Variants in KIF21B observed in about 807,000 individuals in gnomAD.
KIF21B encodes kinesin family member 21B, also known as kinesin-like protein KIF21B.
In KIF21B, 85 loss-of-function variants were observed where a neutral mutation model predicts 192.9. The ratio of observed to expected loss-of-function variants is 0.44; its 90% CI spans 0.37 to 0.53. The LOEUF (loss-of-function observed/expected upper bound fraction) is 0.53, where lower values mean the gene tolerates loss of function less well. Ranked by LOEUF, KIF21B falls within the 20% of genes least tolerant of loss-of-function variation. The pLI, the probability that KIF21B is intolerant of heterozygous loss-of-function variation, is 0.00. For synonymous variants in KIF21B, 832 were observed against 884.6 expected, an observed-to-expected ratio of 0.94 and a Z score of 1.05; for missense variants, 1,716 against 2,194.8, an observed-to-expected ratio of 0.78 and a Z score of 4.36.
Position 200,975,522 on chromosome 1 carries a change from G to A in KIF21B, c.4591C>T (p.Leu1531=). The A allele has an allele frequency of 1.2e-6, 2 of 1,613,336 alleles. No individual in the cohort carries two copies. The highest frequency in any genetic ancestry group is 1.7e-6 in the Non-Finnish European group (2 of 1,179,426). Reference sequence around the variant, plus strand: ...ACCTGGATGAGCTCCTGCTGGTCTAGGTCCCACTTCTTGATGCCGTTATCT... The same window carrying A: ...ACCTGGATGAGCTCCTGCTGGTCTAAGTCCCACTTCTTGATGCCGTTATCT... ...SRDNGIKKWD[L]DQQELIQQIP... The change falls in exon 33 of 35, where the codon CTA becomes TTA. Residue 1531 remains leucine, a synonymous_variant. Transcript: ENST00000461742. The surrounding 1 kb of genome is among the most constrained non-coding windows in gnomAD (Gnocchi z 4.3).
Position 200,996,995 on chromosome 1 carries a change from C to A in KIF21B, c.2078-600G>T, listed in dbSNP as rs528538657. ...TCACATCTACCTCCCAGCAAGCAAT[C>A]AACAAAGCCTTCTGGCTCAACCTGA... On this transcript the variant is annotated intron_variant, in intron 14 of 34. Coordinates refer to ENST00000461742, the MANE Select transcript of KIF21B (RefSeq NM_001252102.2). 3.9e-5 allele frequency among the ~76,000 whole-genome samples: 6 copies of A among 152,294 alleles called. No individual in the cohort carries two copies. The East Asian group carries it at 7.7e-4, about 20-fold the overall frequency.
rs1422046027 is a variant in KIF21B, at chr1:200,982,691, G to T, written c.3842+365C>A. 3.3e-5 allele frequency among the ~76,000 whole-genome samples: 5 copies of T among 152,200 alleles called. No homozygotes were observed. The highest frequency in any genetic ancestry group is 3.3e-4 in the Admixed American group (5 of 15,284). ...GCACCCCCAAAAGGAGCAGCCTTCA[G>T]CATTTCCCCTGCCTTCCAGTCGTGG... is the stretch of plus-strand genomic sequence containing the variant. On this transcript the variant is annotated intron_variant, in intron 28 of 34. Coordinates refer to ENST00000461742, the MANE Select transcript of KIF21B (RefSeq NM_001252102.2). The surrounding 1 kb of genome is among the most constrained non-coding windows in gnomAD (Gnocchi z 4.7).
Position 200,988,511 on chromosome 1 carries a change from G to C in KIF21B, c.3332C>G (p.Ser1111Ter), listed in dbSNP as rs1278958174. ...AACTCACCTGCCCTCAGAGAACTCTGAGATCTCCTCATCTGTGCTGGCGTA... is the reference window on the plus strand; with the variant it reads ...AACTCACCTGCCCTCAGAGAACTCTCAGATCTCCTCATCTGTGCTGGCGTA... ...NGYASTDEEI[S>*]EFSEGSFSQS... Residue 1111 changes from serine (S) to a stop codon, truncating the protein, a stop_gained, in exon 23 of 35, where the codon TCA (serine) becomes TGA (stop). Coordinates refer to ENST00000461742, the MANE Select transcript of KIF21B (RefSeq NM_001252102.2). LOFTEE classifies it high-confidence loss of function. 1 of 1,450,358 alleles carries C rather than the reference G, an allele frequency of 6.9e-7. No individual in the cohort carries two copies. Among genetic ancestry groups the C allele is most frequent in the Non-Finnish European group, 9.4e-7 (1 of 1,068,150 alleles). 89.8% of individuals were successfully genotyped at this position (1,450,358 alleles called of 1,614,324 possible).
chr1:201,015,527 G>A lies in KIF21B; in HGVS notation c.42-6039C>T, dbSNP rs185096859. The stretch of plus-strand genomic sequence containing the variant: ...ACTGCAAAGTCAGCAAGCCTAAGGG[G>A]AAAAGCAATGTCTGCCCTGATTCCA... On this transcript the variant is annotated intron_variant, in intron 1 of 34. Transcript: ENST00000461742. 1.8e-4 allele frequency among the ~76,000 whole-genome samples: 28 copies of A among 152,326 alleles called. No individual in the cohort carries two copies. In the East Asian group the frequency reaches 5.2e-3, roughly 28 times the overall value.
chr1:200,980,269 T>A (rs1380111384), intron 29 of KIF21B, among the ~76,000 whole-genome samples: 1 of 152,216 alleles, frequency 6.6e-6, no homozygotes, highest in Non-Finnish European at 1.5e-5. Context: ...TGTATTTGCT[T>A]ATTGAGATAG....
rs749324855 is a variant in KIF21B, at chr1:200,970,741, A to G, written c.*2780T>C. 6.6e-6 allele frequency: 1 copy of G among 152,436 alleles called. No individual in the cohort carries two copies. The highest frequency in any genetic ancestry group is 2.1e-4 in the South Asian group (1 of 4,834). The allele number at this position is 152,436 out of a possible 1,614,324, so 9.4% of individuals were successfully genotyped here. ...GAATCAGTCCAAGCTCTTCAGGCTC[A>G]CTAGGGCTAGGACTCAGCCTGAACT... On this transcript the variant is annotated 3_prime_UTR_variant, in exon 35 of 35. Coordinates refer to ENST00000461742, the MANE Select transcript of KIF21B (RefSeq NM_001252102.2).
chr1:200,981,446 C>CGGGTCCAGCTGGGCAGGGCAG (rs1380367471), intron 28 of KIF21B, among the ~76,000 whole-genome samples: 1 of 152,132 alleles, frequency 6.6e-6, no homozygotes, highest in African/African-American at 2.4e-5. Context: ...TGAATGCGCC[C>CGGGTCCAGCTGGGCAGGGCAG]GGGTCCAGCT....
chr1:201,003,657 T>A lies in KIF21B; in HGVS notation c.1141A>T (p.Thr381Ser), dbSNP rs758378325. 6.2e-7 allele frequency: 1 copy of A among 1,613,820 alleles called. No individual in the cohort carries two copies. Among genetic ancestry groups the A allele is most frequent in the Admixed American group, 1.7e-5 (1 of 60,008 alleles). Reference protein sequence around the residue: ...KNKVVVNQDKTSQQISALRAE... With the variant: ...KNKVVVNQDKSSQQISALRAE... ...CGCAGTGCACTGATTTGCTGGCTGG[T>A]CTTGTCCTGGTTCACTACCACCTTG... Residue 381 changes from threonine (T) to serine (S), a missense_variant, in exon 8 of 35, where the codon ACC becomes TCC. By Grantham distance (58) the Thr-to-Ser change is moderately conservative. Transcript: ENST00000461742.
intron 3 of KIF21B, among the ~76,000 whole-genome samples, chr1:201,007,310 G>A (rs1449866396): frequency 5.5e-3 from 126 of 22,774 alleles, no homozygotes; most frequent in Admixed American, 7.1e-3. Context: ...ACACAGACAC[G>A]GACACAGAGA....
chr1:200,992,414 G>GT, intron 15 of KIF21B, 25 bp from the exon 16 acceptor site: 1 of 1,608,796 alleles, frequency 6.2e-7, no homozygotes, highest in Non-Finnish European at 8.5e-7. Context: ...GATTATGGTG[G>GT]TGAGACAGGG....
rs143226808 is a variant in KIF21B, at chr1:200,984,366, C to A, written c.3803+493G>T. On this transcript the variant is annotated intron_variant, in intron 27 of 34. Coordinates refer to ENST00000461742, the MANE Select transcript of KIF21B (RefSeq NM_001252102.2). ...GGGAGGCTGTTAACATAAACCACAC[C>A]ATTAGGCAGTAGAGTCTTGCATCAG... 9.3e-3 allele frequency among the ~76,000 whole-genome samples: 1,413 copies of A among 152,282 alleles called. 30 individuals are homozygous for A. Among genetic ancestry groups the A allele is most frequent in the African/African-American group, 0.033 (1,361 of 41,558 alleles).
rs751602599 is a variant in KIF21B at position 200,989,970 on chromosome 1, T to C, written c.3104A>G (p.Asp1035Gly). The change falls in exon 21 of 35, where the codon GAC becomes GGC. Residue 1035 changes from aspartate (D) to glycine (G), a missense_variant. Asp to Gly is a moderately conservative substitution (Grantham distance 94, BLOSUM62 -1). Coordinates refer to ENST00000461742, the MANE Select transcript of KIF21B (RefSeq NM_001252102.2). ...GTCAATGGATGCCTTGAGGAAGTTG[T>C]CTAGCAGGAGGCGGGCTTCAGCCAG... ...CSLAEARLLL[D>G]NFLKASIDKG... 4 of 1,614,016 alleles carry C rather than the reference T, an allele frequency of 2.5e-6. No individual in the cohort carries two copies. Among genetic ancestry groups the C allele is most frequent in the Non-Finnish European group, 3.4e-6 (4 of 1,179,996 alleles).
chr1:201,009,133 G>C, intron 2 of KIF21B, 133 bp downstream of exon 2: 1 of 1,115,182 alleles, frequency 9.0e-7, no homozygotes, highest in Non-Finnish European at 1.3e-6. Flanking sequence ...AACCAGCGGT[G>C]CAACGGCCTC....
rs1655320112 is a variant in KIF21B at position 200,973,320 on chromosome 1, C to T, written c.*201G>A. 1.1e-5 allele frequency: 6 copies of T among 557,336 alleles called. No individual in the cohort carries two copies. The South Asian group carries it at 1.4e-4, about 13-fold the overall frequency. The allele number at this position is 557,336 out of a possible 1,614,324, so 34.5% of individuals were successfully genotyped here. A position where few individuals can be genotyped will look rare whatever the true frequency, so the allele number is the denominator to read the frequency against. The stretch of plus-strand genomic sequence containing the variant: ...AATTTCCTCCCCAGCCTCTCTCTCA[C>T]CCAGAGGCTCCTGAGAGGCAGGGGA... On this transcript the variant is annotated 3_prime_UTR_variant, in exon 35 of 35. Transcript: ENST00000461742.
In KIF21B at chr1:201,004,415, C is replaced by A. The variant is rs368047749; in HGVS notation, c.941G>T (p.Ser314Ile). The part of the protein sequence containing the change: ...GNVISALGDQ[S>I]KKVVHVPYRD... Reference sequence around the variant, plus strand: ...GTAGGGAACGTGCACCACCTTCTTGCTCTGGTCCCCTAAGGCGCTGATCAC... The same window carrying A: ...GTAGGGAACGTGCACCACCTTCTTGATCTGGTCCCCTAAGGCGCTGATCAC... Residue 314 changes from serine (S) to isoleucine (I), a missense_variant, in exon 7 of 35, where the codon AGC becomes ATC. Ser to Ile is a moderately radical substitution (Grantham distance 142). Coordinates refer to ENST00000461742, the MANE Select transcript of KIF21B (RefSeq NM_001252102.2). The A allele has an allele frequency of 2.5e-6, 4 of 1,581,454 alleles. No individual in the cohort carries two copies.
intron 9 of KIF21B, 104 bp downstream of exon 9, chr1:201,002,057 A>G: frequency 1.0e-6 from 1 of 986,158 alleles, no homozygotes; most frequent in Non-Finnish European, 1.5e-6. Context: ...TTGAACTATG[A>G]ATTGACTGGC....
chr1:200,990,813 G>T lies in KIF21B; in HGVS notation c.2688-90C>A, dbSNP rs1558008333. 2 of 1,592,276 alleles carry T rather than the reference G, an allele frequency of 1.3e-6. No homozygotes were observed. The highest frequency in any genetic ancestry group is 8.6e-7 in the Non-Finnish European group (1 of 1,164,350). ...CCCATCTGGAGCTGACAGCCACGGG[G>T]ACCCGGAGCACTCCCCAGAGCTTCC... On this transcript the variant is annotated intron_variant, in intron 18 of 34. Coordinates refer to ENST00000461742, the MANE Select transcript of KIF21B (RefSeq NM_001252102.2). The surrounding 1 kb of genome is among the most constrained non-coding windows in gnomAD (Gnocchi z 5.4).
At position 201,017,854 on chromosome 1, in the gene KIF21B, C is replaced by G. The variant is rs777014764; in HGVS notation, c.41+5489G>C. Among the ~76,000 whole-genome samples, 25 of 152,222 alleles carry G rather than the reference C, an allele frequency of 1.6e-4. 1 individual carries two copies. Among genetic ancestry groups the G allele is most frequent in the Admixed American group, 2.6e-4 (4 of 15,288 alleles). On this transcript the variant is annotated intron_variant, in intron 1 of 34. Coordinates refer to ENST00000461742, the MANE Select transcript of KIF21B (RefSeq NM_001252102.2). This position sits in a 1 kb window ranked among gnomAD's most constrained non-coding sequence, Gnocchi z 4.1. ...GGGGATGGGATGGCAGCATGACCTC[C>G]TTTCCACACCCCAGAGCAGCTGGAG... is the stretch of plus-strand genomic sequence containing the variant.
chr1:201,013,488 C>G (rs1283541360), intron 1 of KIF21B, among the ~76,000 whole-genome samples: 1 of 152,136 alleles, frequency 6.6e-6, no homozygotes, highest in African/African-American at 2.4e-5. Flanking sequence ...TCCCTGGGGG[C>G]ATGGGAGGGG....
Sources: allele counts gnomAD v4.1 joint callset (sites outside exome capture counted in the v4.1 genomes callset), GRCh38; gene constraint gnomAD v4.1.1; non-coding constraint Gnocchi (gnomAD v3.1); transcripts MANE v1.5; gene names NCBI Gene and HGNC (gene_info 2026-07-23, HGNC 2026-07-21).